PCDHGA1: variants seen among roughly 807,000 people sequenced by gnomAD.
PCDHGA1 encodes the protein protocadherin gamma subfamily A, 1.
PCDHGA1 carries 32 observed loss-of-function variants against 58.0 expected under a neutral mutation model. The ratio of observed to expected loss-of-function variants is 0.55; its 90% CI spans 0.42 to 0.74. PCDHGA1 has a LOEUF of 0.74. Among genes scored for constraint, PCDHGA1 ranks in the 30% least tolerant of loss-of-function variants. The probability of loss-of-function intolerance (pLI) is 0.00; values close to 1 mark genes in which losing one functional copy is unlikely to be tolerated. For synonymous variants in PCDHGA1, 498 were observed against 501.1 expected (o/e 0.99, Z 0.08); for missense variants, 1,205 against 1,182.3 (o/e 1.02, Z -0.28).
Position 141,489,980 on chromosome 5 carries a change from T to G in PCDHGA1, c.2422-4827T>G, listed in dbSNP as rs2099694325. 1.2e-6 allele frequency: 2 copies of G among 1,614,204 alleles called. No individual in the cohort carries two copies. The highest frequency in any genetic ancestry group is 1.7e-6 in the Non-Finnish European group (2 of 1,180,012). On this transcript the variant is annotated intron_variant, in intron 1 of 3. Transcript: ENST00000517417. This position sits in a 1 kb window ranked among gnomAD's most constrained non-coding sequence, Gnocchi z 4.5. ...GCTCCAACCTTCCAATCCTCAGTTC[T>G]ACGTGTGGGAATCCCAGAGAATGCA...
intron 1 of PCDHGA1, chr5:141,377,299 G>A (rs1270863261): frequency 6.6e-6 from 1 of 152,100 alleles, no homozygotes; most frequent in African/African-American, 2.4e-5. Flanking sequence ...ATTTAGGTCA[G>A]TGTTAAAGAT....
intron 1 of PCDHGA1, chr5:141,413,055 C>G: frequency 9.8e-7 from 1 of 1,019,544 alleles, no homozygotes; most frequent in Non-Finnish European, 1.4e-6. Flanking sequence ...GGGAAGCTCA[C>G]TCCAGAATTT....
chr5:141,433,277 T>G, intron 1 of PCDHGA1: 1 of 1,231,982 alleles, frequency 8.1e-7, no homozygotes. Flanking sequence ...CACTGCAGCC[T>G]CAAACTCCTA....
chr5:141,401,096 C>A (rs1193628525), intron 1 of PCDHGA1, among the ~76,000 whole-genome samples: 1 of 152,160 alleles, frequency 6.6e-6, no homozygotes, highest in Non-Finnish European at 1.5e-5. Context: ...GTAATCCCAG[C>A]ACTTTGGGAG....
At chr5:141,351,248 C>T in intron 1 of PCDHGA1, 1 of 1,613,944 alleles carries the variant, frequency 6.2e-7, no homozygotes, top group Non-Finnish European at 8.5e-7. Context: ...CTGTAATGTT[C>T]AAATAGAAAT....
intron 1 of PCDHGA1, chr5:141,376,030 C>G (rs766254447): frequency 1.2e-6 from 2 of 1,613,082 alleles, no homozygotes; most frequent in Non-Finnish European, 1.7e-6. Flanking sequence ...TCCAGGACCA[C>G]GGCCAGCCCC....
At chr5:141,370,623 G>T (rs1269464778) in intron 1 of PCDHGA1, 3 of 1,613,940 alleles carry the variant, frequency 1.9e-6, no homozygotes, top group African/African-American at 1.3e-5. Flanking sequence ...ATTCTTTACC[G>T]TGAGCCCCGA....
At chr5:141,385,709 A>G (rs2090329249) in intron 1 of PCDHGA1, 1 of 259,144 alleles carries the variant, frequency 3.9e-6, no homozygotes, top group Non-Finnish European at 6.2e-6. Context: ...TAGCATTCAA[A>G]TATGTAAAAG....
In PCDHGA1 at chr5:141,352,708, G is replaced by A. The variant is rs193159920; in HGVS notation, c.2421+19603G>A. The A allele has an allele frequency of 1.0e-4, 157 of 1,543,660 alleles. No individual in the cohort carries two copies. The African/African-American group carries it at 1.9e-3, about 19-fold the overall frequency. On this transcript the variant is annotated intron_variant, in intron 1 of 3. Transcript: ENST00000517417. The stretch of plus-strand genomic sequence containing the variant: ...AATCTAGTTAAATTTTATATATGGC[G>A]GCCGGGCGCGGTGGCTCAAGCCTGT...
intron 1 of PCDHGA1, chr5:141,370,382 C>T (rs1326664452): frequency 6.5e-7 from 1 of 1,532,830 alleles, no homozygotes; most frequent in Non-Finnish European, 8.8e-7. Flanking sequence ...AAGGCAAAGG[C>T]GCAGAGAGCG....
At chr5:141,390,732 G>T in intron 1 of PCDHGA1, 1 of 194,114 alleles carries the variant, frequency 5.2e-6, no homozygotes, top group Non-Finnish European at 1.1e-5. Context: ...TAACTGGTAT[G>T]GTCTCCATAG....
chr5:141,332,015 A>T lies in PCDHGA1; in HGVS notation c.1331A>T (p.Asp444Val), dbSNP rs1277314154. The change falls in exon 1 of 4, where the codon GAT (aspartate) becomes GTT (valine). Residue 444 changes from aspartate (D) to valine (V), a missense_variant. By Grantham distance (152) the Asp-to-Val change is radical. Coordinates refer to ENST00000517417, the MANE Select transcript of PCDHGA1 (RefSeq NM_018912.3). The surrounding 1 kb of genome is among the most constrained non-coding windows in gnomAD (Gnocchi z 4.6). ...ACTCACATTTCACTACTAGTGACAG[A>T]TATCAATGACAACTCCCCAGTCTTC... ...TETHISLLVT[D>V]INDNSPVFHQ... The T allele has an allele frequency of 6.2e-7, 1 of 1,614,202 alleles. No individual in the cohort carries two copies. Among genetic ancestry groups the T allele is most frequent in the East Asian group, 2.2e-5 (1 of 44,880 alleles).
intron 1 of PCDHGA1, chr5:141,372,387 G>T (rs771030632): frequency 3.7e-6 from 6 of 1,613,898 alleles, no homozygotes; most frequent in Non-Finnish European, 5.1e-6. Flanking sequence ...CCTAATCTTC[G>T]CAGATAGCTT....
chr5:141,357,220 G>A, intron 1 of PCDHGA1: 1 of 1,613,852 alleles, frequency 6.2e-7, no homozygotes. Context: ...TGTCCTGGCT[G>A]ACTTGGGCAG....
intron 1 of PCDHGA1, chr5:141,399,601 C>T: frequency 6.2e-7 from 1 of 1,613,986 alleles, no homozygotes; most frequent in South Asian, 1.1e-5. Context: ...GGCCAGCGAC[C>T]TAGAGCCTCT....
chr5:141,397,424 T>A (rs975746097), intron 1 of PCDHGA1, among the ~76,000 whole-genome samples: 4 of 152,324 alleles, frequency 2.6e-5, no homozygotes, highest in African/African-American at 9.6e-5. Flanking sequence ...ATAGTATAGA[T>A]TTCCCTAATA....
At chr5:141,497,742 T>C (rs2099779149) in intron 2 of PCDHGA1, among the ~76,000 whole-genome samples, 1 of 152,128 alleles carries the variant, frequency 6.6e-6, no homozygotes, top group South Asian at 2.1e-4. Context: ...TTTCGCCACG[T>C]TGGCCAGGCT....
intron 1 of PCDHGA1, among the ~76,000 whole-genome samples, chr5:141,446,747 G>T (rs997132200): frequency 3.9e-5 from 6 of 152,190 alleles, no homozygotes; most frequent in Non-Finnish European, 8.8e-5. Context: ...GATTACAGGC[G>T]TGAGCCACCG....
rs573580017 is a variant in PCDHGA1, at chr5:141,484,867, G to T, written c.2422-9940G>T. 33 of 282,678 alleles carry T rather than the reference G, an allele frequency of 1.2e-4. No individual in the cohort carries two copies. The South Asian group carries it at 1.6e-3, about 14-fold the overall frequency. The allele number at this position is 282,678 out of a possible 1,614,324, so 17.5% of individuals were successfully genotyped here. On this transcript the variant is annotated intron_variant, in intron 1 of 3. Transcript: ENST00000517417. ...TGGGTTTTTTGGGGGGTGGGGGAGC[G>T]TGGAGGATAGGGTGGGCTTTTTCCC...
Sources: allele counts gnomAD v4.1 joint callset (sites outside exome capture counted in the v4.1 genomes callset), GRCh38; gene constraint gnomAD v4.1.1; non-coding constraint Gnocchi (gnomAD v3.1); transcripts MANE v1.5; gene names NCBI Gene and HGNC (gene_info 2026-07-23, HGNC 2026-07-21).